The following EXOC2 variants were observed in gnomAD, a reference collection of about 807,000 sequenced individuals.
EXOC2 encodes the protein SEC5-like 1.
A neutral mutation model predicts 131.8 loss-of-function variants in EXOC2; 70 were observed. That is an observed-to-expected ratio of 0.53 (90% CI 0.44 to 0.65). The LOEUF (loss-of-function observed/expected upper bound fraction) is 0.65. Ranked by LOEUF, EXOC2 falls within the 30% of genes least tolerant of loss-of-function variation. The probability of loss-of-function intolerance (pLI) is 0.00; values close to 1 mark genes in which losing one functional copy is unlikely to be tolerated. For missense variants in EXOC2, 923 were observed against 1,108.6 expected (o/e 0.83, Z 2.38); for synonymous variants, 411 against 398.4 (o/e 1.03, Z -0.38).
In EXOC2 at chr6:489,006, G is replaced by A; in HGVS notation, c.2654C>T (p.Pro885Leu). 4 of 1,613,888 alleles carry A rather than the reference G, an allele frequency of 2.5e-6. No homozygotes were observed. The highest frequency in any genetic ancestry group is 1.6e-4 in the Middle Eastern group (1 of 6,062). ...TTTATCTGCTCCACTGGAAAGCTGG[G>A]GCAGGGCTTCCAAAGCCTGCTTAAA... The part of the protein sequence containing the change: ...SSFKQALEAL[P>L]QLSSGADKKL... Residue 885 changes from proline (P) to leucine (L), a missense_variant, in exon 27 of 28, where the codon CCC becomes CTC. Pro to Leu is a moderately conservative substitution (Grantham distance 98). Coordinates refer to ENST00000230449, the MANE Select transcript of EXOC2 (RefSeq NM_018303.6).
intron 27 of EXOC2, among the ~76,000 whole-genome samples, chr6:488,048 A>AGG (rs1763185230): frequency 2.6e-5 from 4 of 152,346 alleles, no homozygotes; most frequent in Middle Eastern, 6.8e-3. Flanking sequence ...AGCAAGAAAA[A>AGG]GGAAGAAAGG....
chr6:660,154 C>T (rs1016162396), intron 1 of EXOC2, among the ~76,000 whole-genome samples: 1 of 151,068 alleles, frequency 6.6e-6, no homozygotes, highest in Admixed American at 6.6e-5. Flanking sequence ...AGAACTCCAC[C>T]CCCATCCCCC....
intron 3 of EXOC2, among the ~76,000 whole-genome samples, chr6:632,528 A>ATG (rs950018646): frequency 3.3e-5 from 5 of 152,192 alleles, no homozygotes; most frequent in African/African-American, 1.2e-4. Context: ...GCCTTGAAGG[A>ATG]TGGATAAAAT....
At chr6:562,928 G>A (rs1757775032) in intron 16 of EXOC2, 83 bp from the exon 17 acceptor site, 10 of 947,220 alleles carry the variant, frequency 1.1e-5, no homozygotes, top group Non-Finnish European at 1.5e-5. Context: ...ACAGGTTATG[G>A]TTTTTCATTG....
intron 22 of EXOC2, among the ~76,000 whole-genome samples, chr6:544,151 C>T (rs1561838247): frequency 6.6e-6 from 1 of 152,204 alleles, no homozygotes; most frequent in African/African-American, 2.4e-5. Context: ...CTGTTTTACT[C>T]CTTATTTCCT....
chr6:517,547 A>AATTT (rs1765225777), intron 23 of EXOC2, among the ~76,000 whole-genome samples: 1 of 13,150 alleles, frequency 7.6e-5, no homozygotes, highest in Non-Finnish European at 1.1e-4. Flanking sequence ...TAATGAAAAA[A>AATTT]ACTTAGTGTT....
chr6:661,971 C>G (rs1763441682), intron 1 of EXOC2, among the ~76,000 whole-genome samples: 2 of 152,110 alleles, frequency 1.3e-5, no homozygotes, highest in Admixed American at 6.5e-5. Flanking sequence ...GCATTTCATG[C>G]AAATGGACAC....
intron 11 of EXOC2, among the ~76,000 whole-genome samples, chr6:578,111 C>A (rs1171058723): frequency 6.6e-6 from 1 of 152,100 alleles, no homozygotes; most frequent in Admixed American, 6.5e-5. Flanking sequence ...TTGGACCTTC[C>A]ACAAATAACT....
intron 1 of EXOC2, among the ~76,000 whole-genome samples, chr6:672,501 G>A (rs987737309): frequency 2.0e-5 from 3 of 152,160 alleles, no homozygotes; most frequent in African/African-American, 7.2e-5. Context: ...GTTCAAAGCT[G>A]GATATGCTGT....
chr6:649,165 C>T (rs190958792), intron 1 of EXOC2, among the ~76,000 whole-genome samples: 12 of 152,304 alleles, frequency 7.9e-5, no homozygotes, highest in South Asian at 4.1e-4. Flanking sequence ...GCTGGAACTA[C>T]AGGCCCGCAC....
At chr6:568,685 A>G in intron 13 of EXOC2, among the ~76,000 whole-genome samples, 1 of 152,310 alleles carries the variant, frequency 6.6e-6, no homozygotes, top group Admixed American at 6.5e-5. Context: ...CAAAGGGCAT[A>G]TCCTCTGCTT....
intron 23 of EXOC2, among the ~76,000 whole-genome samples, chr6:510,642 T>C (rs1303507399): frequency 1.3e-3 from 191 of 152,324 alleles, no homozygotes; most frequent in African/African-American, 4.3e-3. Flanking sequence ...TTTCAAAATG[T>C]AAAGTCTGAT....
chr6:556,749 C>T (rs1006828312), intron 17 of EXOC2, among the ~76,000 whole-genome samples, 185 bp from the exon 18 acceptor site: 2 of 152,134 alleles, frequency 1.3e-5, no homozygotes, highest in Non-Finnish European at 2.9e-5. Context: ...TTTTGTACTT[C>T]GTATTTTAGA....
chr6:590,778 C>A (rs1374984456), intron 11 of EXOC2, among the ~76,000 whole-genome samples: 1 of 152,184 alleles, frequency 6.6e-6, no homozygotes, highest in Non-Finnish European at 1.5e-5. Flanking sequence ...CATCACTTGT[C>A]AGGACTCTTT....
At chr6:654,803 CAAAAAAAAAAAAAAAAAAAAAA>C (rs66637987) in intron 1 of EXOC2, among the ~76,000 whole-genome samples, 1 of 29,562 alleles carries the variant, frequency 3.4e-5, no homozygotes, top group Non-Finnish European at 7.0e-5. Context: ...GACCCTGTCT[CAAAAAAAAAAAAAAAAAAAAAA>C]AAAAAAAAAA....
In EXOC2 at chr6:637,872, A is replaced by G; in HGVS notation, c.-43-11T>C. 1.9e-6 allele frequency: 3 copies of G among 1,545,448 alleles called. No homozygotes were observed. In the East Asian group the frequency reaches 6.8e-5, roughly 35 times the overall value. On this transcript the variant is annotated splice_polypyrimidine_tract_variant and intron_variant, in intron 1 of 27. Coordinates refer to ENST00000230449, the MANE Select transcript of EXOC2 (RefSeq NM_018303.6). Reference sequence around the variant, plus strand: ...TGTTAGAGAAGTAATCTGTTAAAAGAGAAAGAAAAAAGGATTAGTACCAAC... The same window carrying G: ...TGTTAGAGAAGTAATCTGTTAAAAGGGAAAGAAAAAAGGATTAGTACCAAC...
At chr6:685,026 A>T (rs1764578492) in intron 1 of EXOC2, among the ~76,000 whole-genome samples, 1 of 152,162 alleles carries the variant, frequency 6.6e-6, no homozygotes, top group Non-Finnish European at 1.5e-5. Context: ...AGACTAGGAT[A>T]ACCTCTACTC....
chr6:582,075 T>C (rs944059815), intron 11 of EXOC2, among the ~76,000 whole-genome samples: 12 of 152,202 alleles, frequency 7.9e-5, no homozygotes, highest in Non-Finnish European at 1.8e-4. Flanking sequence ...AATCAAAAAT[T>C]TAAAATTTAT....
Position 617,828 on chromosome 6 carries a change from G to C in EXOC2, c.544C>G (p.Gln182Glu), listed in dbSNP as rs1440731863. 6.2e-7 allele frequency: 1 copy of C among 1,610,644 alleles called. No individual in the cohort carries two copies. Among genetic ancestry groups the C allele is most frequent in the Admixed American group, 1.7e-5 (1 of 59,196 alleles). The stretch of plus-strand genomic sequence containing the variant: ...AGGTTGGTGACTGCCATTTTGAGCT[G>C]CTCAAAACTGAAATGAAATAAAGAA... ...IENHSNTSFE[Q>E]LKMAVTNLKR... The change falls in exon 6 of 28, where the codon CAG (glutamine) becomes GAG (glutamate). Residue 182 changes from glutamine (Q) to glutamate (E), a missense_variant. Coordinates refer to ENST00000230449, the MANE Select transcript of EXOC2 (RefSeq NM_018303.6).
Sources: gnomAD v4.1 joint callset for allele counts (sites outside exome capture counted in the v4.1 genomes callset) on GRCh38, gnomAD v4.1.1 for gene constraint, MANE v1.5 for transcripts, NCBI Gene and HGNC (gene_info 2026-07-23, HGNC 2026-07-21) for gene names.